ADARB1: variants seen among roughly 807,000 people sequenced by gnomAD.
ADARB1 encodes double-stranded RNA-specific editase 1.
ADARB1 carries 10 observed loss-of-function variants against 52.4 expected under a neutral mutation model. The ratio of observed to expected loss-of-function variants is 0.19; its 90% CI spans 0.12 to 0.32. The LOEUF (loss-of-function observed/expected upper bound fraction) is 0.32. Among genes scored for constraint, ADARB1 ranks in the 10% least tolerant of loss-of-function variants. The pLI is 1.00. For missense variants in ADARB1, 643 were observed against 922.3 expected (o/e 0.70, Z 3.92); for synonymous variants, 349 against 371.1 (o/e 0.94, Z 0.68).
chr21:45,127,349 C>G (rs1309315107), intron 1 of ADARB1, among the ~76,000 whole-genome samples: 1 of 152,194 alleles, frequency 6.6e-6, no homozygotes, highest in East Asian at 1.9e-4. Context: ...GGCCCTCATT[C>G]TCTGTGCTGG....
intron 1 of ADARB1, among the ~76,000 whole-genome samples, chr21:45,105,072 C>G (rs949780500): frequency 7.3e-6 from 1 of 137,250 alleles, no homozygotes; most frequent in Non-Finnish European, 1.6e-5. Flanking sequence ...TGCATCGTTG[C>G]TGCTTCGTTG....
chr21:45,099,304 C>G lies in ADARB1; in HGVS notation c.-220+24511C>G, dbSNP rs1440128346. Among the ~76,000 whole-genome samples, 5 of 152,162 alleles carry G rather than the reference C, an allele frequency of 3.3e-5. 1 individual carries two copies. Among genetic ancestry groups the G allele is most frequent in the Non-Finnish European group, 7.3e-5 (5 of 68,028 alleles). On this transcript the variant is annotated intron_variant, in intron 1 of 10. Coordinates refer to ENST00000348831, the MANE Select transcript of ADARB1 (RefSeq NM_001112.4). Reference sequence around the variant, plus strand: ...AATGAAGCTATAGTTGATCATCCTTCAGTGCCTAGTATACAGCCTGTTAAA... The same window carrying G: ...AATGAAGCTATAGTTGATCATCCTTGAGTGCCTAGTATACAGCCTGTTAAA...
rs1218428391 is a variant in ADARB1, at chr21:45,222,440, CA to C, written c.*244del. 7.8e-7 allele frequency: 1 copy of C among 1,285,716 alleles called. No homozygotes were observed. The highest frequency in any genetic ancestry group is 9.8e-7 in the Non-Finnish European group (1 of 1,020,684). 79.6% of individuals were successfully genotyped at this position (1,285,716 alleles called of 1,614,324 possible). ...GCCGCCTGGCATCTCTCTGCCGCAG[CA>C]TTTCCCCTTCTGAACCGTCCAGTGA... is the stretch of plus-strand genomic sequence containing the variant. On this transcript the variant is annotated 3_prime_UTR_variant, in exon 11 of 11. Coordinates refer to ENST00000348831, the MANE Select transcript of ADARB1 (RefSeq NM_001112.4).
At chr21:45,178,753 AT>A (rs958871185) in intron 4 of ADARB1, among the ~76,000 whole-genome samples, 1 of 151,762 alleles carries the variant, frequency 6.6e-6, no homozygotes, top group African/African-American at 2.4e-5. Context: ...TCTTAAGAGC[AT>A]TTTTTTTGTT....
chr21:45,127,171 C>T (rs1227784091), intron 1 of ADARB1, among the ~76,000 whole-genome samples: 2 of 152,134 alleles, frequency 1.3e-5, no homozygotes, highest in African/African-American at 2.4e-5. Context: ...GAGCTGGATT[C>T]GGACTGAGTG....
intron 9 of ADARB1, among the ~76,000 whole-genome samples, chr21:45,219,490 T>A (rs2146451840): frequency 6.6e-6 from 1 of 152,158 alleles, no homozygotes; most frequent in East Asian, 1.9e-4. Flanking sequence ...CACCACACAC[T>A]CCAGCCTGGC....
rs368716359 is a variant in ADARB1 at position 45,221,033 on chromosome 21, C to A, written c.1926+19C>A. 3.8e-6 allele frequency: 6 copies of A among 1,587,548 alleles called. No individual in the cohort carries two copies. In the African/African-American group the frequency reaches 8.0e-5, roughly 21 times the overall value. On this transcript the variant is annotated intron_variant, in intron 10 of 10. Transcript: ENST00000348831. The surrounding 1 kb of genome is among the most constrained non-coding windows in gnomAD (Gnocchi z 4.9). Reference sequence around the variant, plus strand: ...CGGCAAGGTACTGAGGCGCCCTCACCGCAATGCGCCGGCTCCACCTCCCCA... The same window carrying A: ...CGGCAAGGTACTGAGGCGCCCTCACAGCAATGCGCCGGCTCCACCTCCCCA...
At chr21:45,152,716 A>G (rs1569078683) in intron 2 of ADARB1, 3 of 427,022 alleles carry the variant, frequency 7.0e-6, no homozygotes, top group Non-Finnish European at 1.4e-5. Context: ...AAGGTAATTC[A>G]TTTAGTTTTT....
In ADARB1 at chr21:45,221,668, C is replaced by T. The variant is rs1159265962; in HGVS notation, c.1927-350C>T. On this transcript the variant is annotated intron_variant, in intron 10 of 10. Transcript: ENST00000348831. This position sits in a 1 kb window ranked among gnomAD's most constrained non-coding sequence, Gnocchi z 4.9. Reference sequence around the variant, plus strand: ...TTACTGGCCGCATGAGGGAAGGCCTCCGAGGTCATCAGGGTGATGACACAC... The same window carrying T: ...TTACTGGCCGCATGAGGGAAGGCCTTCGAGGTCATCAGGGTGATGACACAC... Among the ~76,000 whole-genome samples, 2 of 152,282 alleles carry T rather than the reference C, an allele frequency of 1.3e-5. No homozygotes were observed. Among genetic ancestry groups the T allele is most frequent in the South Asian group, 4.2e-4 (2 of 4,818 alleles).
chr21:45,215,707 G>A (rs2092849639), intron 9 of ADARB1, among the ~76,000 whole-genome samples: 1 of 152,084 alleles, frequency 6.6e-6, no homozygotes. Flanking sequence ...ACGTTATATG[G>A]TTATTATGTG....
In ADARB1 at chr21:45,076,401, A is replaced by G. The variant is rs1267293226; in HGVS notation, c.-220+1608A>G. Among the ~76,000 whole-genome samples, 3 of 152,234 alleles carry G rather than the reference A, an allele frequency of 2.0e-5. No individual in the cohort carries two copies. The East Asian group carries it at 5.8e-4, about 29-fold the overall frequency. ...AGGATGAACTCACACAGACTCTGAA[A>G]GGAATGCATTGTCTGTGAGTGATGC... On this transcript the variant is annotated intron_variant, in intron 1 of 10. Coordinates refer to ENST00000348831, the MANE Select transcript of ADARB1 (RefSeq NM_001112.4).
At chr21:45,096,506 T>A (rs986014721) in intron 1 of ADARB1, among the ~76,000 whole-genome samples, 2 of 152,246 alleles carry the variant, frequency 1.3e-5, no homozygotes, top group African/African-American at 4.8e-5. Context: ...ACAGCCCCAG[T>A]GCTCCCCCTT....
In ADARB1 at chr21:45,106,389, A is replaced by G. The variant is rs186500341; in HGVS notation, c.-219-22013A>G. ...CCTTGCTCTCAGTGTGTTTATCATC[A>G]TGTCTCTAAGGCCATCCTAAATACG... On this transcript the variant is annotated intron_variant, in intron 1 of 10. Coordinates refer to ENST00000348831, the MANE Select transcript of ADARB1 (RefSeq NM_001112.4). Among the ~76,000 whole-genome samples the G allele has an allele frequency of 5.9e-5, 9 of 152,202 alleles. No homozygotes were observed. In the South Asian group the frequency reaches 6.2e-4, roughly 11 times the overall value.
rs574699204 is a variant in ADARB1 at position 45,154,707 on chromosome 21, T to C, written c.-47-16903T>C. Among the ~76,000 whole-genome samples, 4 of 152,260 alleles carry C rather than the reference T, an allele frequency of 2.6e-5. No individual in the cohort carries two copies. The South Asian group carries it at 8.3e-4, about 32-fold the overall frequency. On this transcript the variant is annotated intron_variant, in intron 2 of 10. Coordinates refer to ENST00000348831, the MANE Select transcript of ADARB1 (RefSeq NM_001112.4). ...CTGTTGACTGTGTGTGAGCCTCAGATGGGTTAGCTTAATCATCAGGAAAAT... is the reference window on the plus strand; with the variant it reads ...CTGTTGACTGTGTGTGAGCCTCAGACGGGTTAGCTTAATCATCAGGAAAAT...
At chr21:45,173,591 T>C (rs2091573012) in intron 3 of ADARB1, among the ~76,000 whole-genome samples, 1 of 151,902 alleles carries the variant, frequency 6.6e-6, no homozygotes, top group Admixed American at 6.6e-5. Flanking sequence ...GTTAAATGCA[T>C]GTCCAAATAC....
At chr21:45,085,235 G>A (rs2086295090) in intron 1 of ADARB1, among the ~76,000 whole-genome samples, 1 of 152,210 alleles carries the variant, frequency 6.6e-6, no homozygotes, top group South Asian at 2.1e-4. Flanking sequence ...CTGGCTGTGA[G>A]AACAGGAAAT....
At chr21:45,122,364 A>G (rs1023705683) in intron 1 of ADARB1, among the ~76,000 whole-genome samples, 1 of 152,236 alleles carries the variant, frequency 6.6e-6, no homozygotes, top group Non-Finnish European at 1.5e-5. Flanking sequence ...TACAACTTGC[A>G]GTGTACTTGC....
chr21:45,091,811 G>A (rs2086570738), intron 1 of ADARB1, among the ~76,000 whole-genome samples: 1 of 152,192 alleles, frequency 6.6e-6, no homozygotes, highest in Admixed American at 6.5e-5. Context: ...ACTCCAGATC[G>A]AGTTTAACCG....
At chr21:45,213,407 T>C (rs760779622) in intron 9 of ADARB1, among the ~76,000 whole-genome samples, 2 of 152,222 alleles carry the variant, frequency 1.3e-5, no homozygotes, top group Non-Finnish European at 2.9e-5. Flanking sequence ...GAGGTATAAT[T>C]GGCATATGAT....
Sources: gnomAD v4.1 joint callset for allele counts (sites outside exome capture counted in the v4.1 genomes callset) on GRCh38, gnomAD v4.1.1 for gene constraint, Gnocchi (gnomAD v3.1) non-coding constraint, MANE v1.5 for transcripts, NCBI Gene and HGNC (gene_info 2026-07-23, HGNC 2026-07-21) for gene names.